The following AOPEP variants were observed in gnomAD, a reference collection of about 807,000 sequenced individuals.
AOPEP encodes the protein aminopeptidase O.
In AOPEP, 77 loss-of-function variants were observed where a neutral mutation model predicts 98.1. The observed-to-expected ratio is 0.78, with a 90% CI of 0.65 to 0.95. AOPEP has a LOEUF of 0.95. AOPEP is among the 40% of genes least tolerant of loss of function. The pLI is 0.00. For synonymous variants in AOPEP, 346 were observed against 365.3 expected (o/e 0.95, Z 0.60); for missense variants, 1,024 against 1,024.7 (o/e 1.00, Z 0.01).
At chr9:94,821,476 C>T (rs1467381676) in intron 5 of AOPEP, among the ~76,000 whole-genome samples, 1 of 152,222 alleles carries the variant, frequency 6.6e-6, no homozygotes, top group Non-Finnish European at 1.5e-5. Flanking sequence ...CAGACTTTGG[C>T]AGAGGCCAAG....
chr9:95,077,818 C>T (rs573447189), intron 14 of AOPEP, among the ~76,000 whole-genome samples: 2 of 152,178 alleles, frequency 1.3e-5, no homozygotes, highest in East Asian at 1.9e-4. Context: ...TGACGAATGG[C>T]ATGCGAATTG....
intron 5 of AOPEP, among the ~76,000 whole-genome samples, chr9:94,880,378 T>G (rs565073678): frequency 2.0e-5 from 3 of 151,284 alleles, no homozygotes; most frequent in Admixed American, 6.6e-5. Context: ...TTTTCTTTTT[T>G]TTTTTTTAGA....
chr9:94,760,954 T>C (rs1480914817), intron 2 of AOPEP, among the ~76,000 whole-genome samples: 3 of 152,232 alleles, frequency 2.0e-5, no homozygotes, highest in Admixed American at 6.5e-5. Context: ...CGTTCCTTCA[T>C]AGTCCCTTGA....
intron 5 of AOPEP, among the ~76,000 whole-genome samples, chr9:94,890,841 ATT>A (rs2048800029): frequency 6.6e-6 from 1 of 152,098 alleles, no homozygotes; most frequent in Middle Eastern, 3.2e-3. Flanking sequence ...ATTATTTTAA[ATT>A]TGTTAATATT....
intron 5 of AOPEP, among the ~76,000 whole-genome samples, chr9:94,914,627 A>G (rs1233576081): frequency 6.6e-6 from 1 of 151,496 alleles, no homozygotes; most frequent in African/African-American, 2.4e-5. Flanking sequence ...ACATCTTTCA[A>G]ATTTTTAATG....
intron 5 of AOPEP, among the ~76,000 whole-genome samples, chr9:94,836,901 AT>A (rs57197506): frequency 6.6e-6 from 1 of 151,652 alleles, no homozygotes; most frequent in Non-Finnish European, 1.5e-5. Context: ...TTCAAGGTTC[AT>A]TTTTTTTGCC....
chr9:95,110,230 GTGT>G, the AOPEP span: 9 of 999,432 alleles, frequency 9.0e-6, no homozygotes, highest in Non-Finnish European at 9.6e-6. Context: ...TAGAAATTAA[GTGT>G]TATTGAATAA....
At chr9:95,026,260 A>G (rs528891562) in intron 13 of AOPEP, among the ~76,000 whole-genome samples, 8 of 152,344 alleles carry the variant, frequency 5.3e-5, no homozygotes, top group Non-Finnish European at 1.2e-4. Flanking sequence ...TAAGTAAGTT[A>G]GCTAAGTTGT....
chr9:94,801,356 T>C (rs1216884438), intron 5 of AOPEP, among the ~76,000 whole-genome samples: 1 of 152,238 alleles, frequency 6.6e-6, no homozygotes, highest in Non-Finnish European at 1.5e-5. Context: ...CCAAAGGTTA[T>C]AGCATCAGGC....
intron 13 of AOPEP, among the ~76,000 whole-genome samples, chr9:95,013,365 CT>C (rs1172258959): frequency 1.3e-5 from 2 of 150,816 alleles, no homozygotes; most frequent in South Asian, 2.1e-4. Flanking sequence ...TTTCTTCCCC[CT>C]CCTCTCTTTA....
chr9:94,762,162 A>G (rs919260789), intron 2 of AOPEP, among the ~76,000 whole-genome samples: 1 of 152,226 alleles, frequency 6.6e-6, no homozygotes, highest in South Asian at 2.1e-4. Context: ...AAGAAATTAA[A>G]GAGGGCCAGG....
intron 2 of AOPEP, among the ~76,000 whole-genome samples, chr9:94,766,312 G>T (rs377242072): frequency 2.6e-5 from 4 of 152,240 alleles, no homozygotes; most frequent in African/African-American, 9.6e-5. Context: ...GCCGAGGCGG[G>T]TGAATCACAA....
At chr9:94,732,659 A>G (rs1253543819) in intron 1 of AOPEP, among the ~76,000 whole-genome samples, 2 of 152,206 alleles carry the variant, frequency 1.3e-5, no homozygotes, top group Non-Finnish European at 2.9e-5. Flanking sequence ...CTAGGATTTC[A>G]TACGGACCTG....
At chr9:94,819,864 T>G (rs1252213268) in intron 5 of AOPEP, among the ~76,000 whole-genome samples, 1 of 151,440 alleles carries the variant, frequency 6.6e-6, no homozygotes, top group Non-Finnish European at 1.5e-5. Flanking sequence ...TGAGCCACTG[T>G]GCTCAGCCCA....
chr9:94,875,346 A>AG (rs1432931883), intron 5 of AOPEP, among the ~76,000 whole-genome samples: 3 of 85,468 alleles, frequency 3.5e-5, no homozygotes, highest in African/African-American at 8.3e-5. Flanking sequence ...TAATTGAGCA[A>AG]GAAAAAAAAA....
chr9:95,128,934 C>T, the AOPEP span, among the ~76,000 whole-genome samples: 2 of 150,138 alleles, frequency 1.3e-5, no homozygotes, highest in Admixed American at 6.6e-5. Context: ...GAGACAGGGT[C>T]TCATTCTGTT....
intron 2 of AOPEP, among the ~76,000 whole-genome samples, chr9:94,768,027 A>C (rs1840008989): frequency 6.6e-6 from 1 of 152,230 alleles, no homozygotes; most frequent in South Asian, 2.1e-4. Flanking sequence ...GGAGACTGTA[A>C]TCTAGGTTTA....
chr9:94,742,608 G>T (rs903763161), intron 1 of AOPEP, among the ~76,000 whole-genome samples: 3 of 151,960 alleles, frequency 2.0e-5, no homozygotes, highest in Admixed American at 6.6e-5. Context: ...CTAATTTTTT[G>T]TATTTTAGTA....
intron 7 of AOPEP, among the ~76,000 whole-genome samples, chr9:94,945,090 C>A (rs993532529): frequency 6.6e-6 from 1 of 152,092 alleles, no homozygotes; most frequent in African/African-American, 2.4e-5. Flanking sequence ...CCATTTCCAG[C>A]GTTGGATGGA....
Sources: allele counts gnomAD v4.1 joint callset (sites outside exome capture counted in the v4.1 genomes callset), GRCh38; gene constraint gnomAD v4.1.1; transcripts MANE v1.5; gene names NCBI Gene and HGNC (gene_info 2026-07-23, HGNC 2026-07-21).